RUFY2: variants seen among roughly 807,000 people sequenced by gnomAD.
The protein encoded by RUFY2 is RUN and FYVE domain-containing protein 2.
Under a neutral mutation model 94.4 loss-of-function variants are expected in RUFY2, and 49 were observed. The observed-to-expected ratio is 0.52, with a 90% CI of 0.41 to 0.66. RUFY2 has a LOEUF of 0.66. Among genes scored for constraint, RUFY2 ranks in the 30% least tolerant of loss-of-function variants. The probability of loss-of-function intolerance (pLI) is 0.00; values close to 1 mark genes in which losing one functional copy is unlikely to be tolerated. For synonymous variants in RUFY2, 255 were observed against 235.7 expected, an observed-to-expected ratio of 1.08 and a Z score of -0.75; for missense variants, 541 against 692.8, an observed-to-expected ratio of 0.78 and a Z score of 2.46.
intron 2 of RUFY2, 62 bp downstream of exon 2, chr10:68,404,609 C>T (rs2051126765): frequency 1.2e-5 from 15 of 1,275,972 alleles, no homozygotes; most frequent in Non-Finnish European, 1.5e-5. Flanking sequence ...ATAACCCATT[C>T]TCAAGGGCAC....
intron 7 of RUFY2, among the ~76,000 whole-genome samples, chr10:68,387,635 C>T (rs548344364): frequency 1.2e-4 from 19 of 152,272 alleles, no homozygotes; most frequent in East Asian, 5.8e-4. Flanking sequence ...CTGATGGTAA[C>T]GACAGACAAA....
At chr10:68,353,836 T>A (rs2046865499) in intron 16 of RUFY2, among the ~76,000 whole-genome samples, 2 of 151,640 alleles carry the variant, frequency 1.3e-5, no homozygotes, top group South Asian at 2.1e-4. Context: ...ATAAAAAATA[T>A]ATATATAAAG....
rs918912453 is a variant in RUFY2, at chr10:68,345,354, A to G, written c.*414T>C. 8 of 359,768 alleles carry G rather than the reference A, an allele frequency of 2.2e-5. No individual in the cohort carries two copies. The highest frequency in any genetic ancestry group is 1.7e-4 in the African/African-American group (8 of 47,922). 22.3% of individuals were successfully genotyped at this position (359,768 alleles called of 1,614,324 possible). On this transcript the variant is annotated 3_prime_UTR_variant, in exon 18 of 18. Transcript: ENST00000602465. Reference sequence around the variant, plus strand: ...TGAAAATCTGTTGAATTAGAATATTAATAATTTTAAAAGTTTTATGCGTTT... The same window carrying G: ...TGAAAATCTGTTGAATTAGAATATTGATAATTTTAAAAGTTTTATGCGTTT...
intron 16 of RUFY2, among the ~76,000 whole-genome samples, chr10:68,352,161 A>C (rs796679491): frequency 6.6e-6 from 1 of 152,080 alleles, no homozygotes; most frequent in African/African-American, 2.4e-5. Context: ...AGGGCTTGCT[A>C]TACTACCCAG....
At chr10:68,348,218 C>CA (rs1337952223) in intron 16 of RUFY2, among the ~76,000 whole-genome samples, 10 of 149,518 alleles carry the variant, frequency 6.7e-5, no homozygotes, top group African/African-American at 2.5e-4. Context: ...GGACGGGGGC[C>CA]AGGTGCAGTG....
At chr10:68,388,172 T>C (rs546038847) in intron 7 of RUFY2, among the ~76,000 whole-genome samples, 7 of 151,404 alleles carry the variant, frequency 4.6e-5, no homozygotes, top group South Asian at 2.1e-4. Flanking sequence ...TGAGGAATAA[T>C]AGGCGAATTC....
At chr10:68,382,809 G>A (rs775034769) in intron 10 of RUFY2, among the ~76,000 whole-genome samples, 10 of 151,962 alleles carry the variant, frequency 6.6e-5, no homozygotes, top group Non-Finnish European at 8.8e-5. Context: ...TTCTTGACCT[G>A]GGTGGAGGTT....
At chr10:68,343,184 G>GGAGAT (rs2046071931), downstream of RUFY2, 1 of 152,156 alleles carries the variant, frequency 6.6e-6, no homozygotes, top group Non-Finnish European at 1.5e-5. Context: ...TGTCATTGTG[G>GGAGAT]GAGATAATAG....
Position 68,404,724 on chromosome 10 carries a change from G to T in RUFY2, c.125C>A (p.Pro42His), listed in dbSNP as rs2051135513. 2 of 1,612,870 alleles carry T rather than the reference G, an allele frequency of 1.2e-6. No homozygotes were observed. The highest frequency in any genetic ancestry group is 1.7e-5 in the Admixed American group (1 of 59,750). The stretch of plus-strand genomic sequence containing the variant: ...CATAACAACAAAGAATTGCTGCAAG[G>T]GGGGATAGTCAGAATCCAAAGTGCG... ...FGRTLDSDYP[P>H]LQQFFVVMEH... Residue 42 changes from proline (P) to histidine (H), a missense_variant, in exon 2 of 18, where the codon CCC becomes CAC. Pro to His is a moderately conservative substitution (Grantham distance 77). This residue lies in a region of RUFY2 where 53 missense variants were observed against 58.6 expected (regional missense o/e 0.90). Coordinates refer to ENST00000602465, the MANE Select transcript of RUFY2 (RefSeq NM_001330103.2).
chr10:68,373,040 A>T (rs957382859), intron 13 of RUFY2, among the ~76,000 whole-genome samples: 2 of 152,236 alleles, frequency 1.3e-5, no homozygotes, highest in Non-Finnish European at 2.9e-5. Context: ...ATGGTTGCAC[A>T]TATTACAACA....
At chr10:68,372,014 A>G (rs1241698198) in intron 13 of RUFY2, among the ~76,000 whole-genome samples, 2 of 152,184 alleles carry the variant, frequency 1.3e-5, no homozygotes, top group Non-Finnish European at 2.9e-5. Flanking sequence ...TAAAGAGCTG[A>G]GCATGGTGGC....
At chr10:68,369,720 A>C (rs973029917) in intron 13 of RUFY2, among the ~76,000 whole-genome samples, 3 of 150,308 alleles carry the variant, frequency 2.0e-5, no homozygotes, top group Admixed American at 6.6e-5. Flanking sequence ...CTAGGAGTTC[A>C]AGACCAGCCT....
chr10:68,384,179 A>G, intron 8 of RUFY2, 27 bp from the exon 9 acceptor site: 2 of 1,590,880 alleles, frequency 1.3e-6, no homozygotes, highest in Non-Finnish European at 1.7e-6. Context: ...GGGCAAGAAA[A>G]AAGATTTTAA....
intron 16 of RUFY2, among the ~76,000 whole-genome samples, chr10:68,349,598 G>C (rs2132290430): frequency 6.6e-6 from 1 of 151,984 alleles, no homozygotes; most frequent in East Asian, 1.9e-4. Context: ...GAGTGCAGTG[G>C]TGCAATCTCG....
At chr10:68,363,323 C>G (rs1263144726) in intron 15 of RUFY2, among the ~76,000 whole-genome samples, 1 of 152,102 alleles carries the variant, frequency 6.6e-6, no homozygotes, top group Admixed American at 6.6e-5. Flanking sequence ...ATTACAGGCA[C>G]ACGCCACCAC....
At chr10:68,356,250 T>A (rs1564786342) in intron 15 of RUFY2, among the ~76,000 whole-genome samples, 1 of 152,024 alleles carries the variant, frequency 6.6e-6, no homozygotes, top group Non-Finnish European at 1.5e-5. Flanking sequence ...ACACCTGTAA[T>A]CCCAGCACTT....
intron 15 of RUFY2, among the ~76,000 whole-genome samples, chr10:68,358,163 G>A (rs2047186219): frequency 6.6e-6 from 1 of 152,128 alleles, no homozygotes; most frequent in Non-Finnish European, 1.5e-5. Flanking sequence ...CTTCCAGCTT[G>A]AGCAACAGAG....
At chr10:68,375,724 C>T (rs989393644) in intron 13 of RUFY2, among the ~76,000 whole-genome samples, 26 of 148,170 alleles carry the variant, frequency 1.8e-4, no homozygotes, top group Admixed American at 3.4e-4. Flanking sequence ...TGCAGTGAGC[C>T]GAGATCACAC....
intron 11 of RUFY2, 50 bp from the exon 12 acceptor site, chr10:68,379,571 T>TGTG: frequency 8.3e-7 from 1 of 1,208,344 alleles, no homozygotes; most frequent in Non-Finnish European, 1.2e-6. Context: ...GTGTGTGTGT[T>TGTG]TGTGTGTGTG....
Sources: allele counts gnomAD v4.1 joint callset (sites outside exome capture counted in the v4.1 genomes callset), GRCh38; gene constraint gnomAD v4.1.1; regional missense constraint gnomAD v4.1.1; transcripts MANE v1.5; gene names NCBI Gene and HGNC (gene_info 2026-07-23, HGNC 2026-07-21).